The following CACNB4 variants were observed in gnomAD, a reference collection of about 807,000 sequenced individuals.
The protein encoded by CACNB4 is calcium voltage-gated channel auxiliary subunit beta 4.
In CACNB4, 32 loss-of-function variants were observed where a neutral mutation model predicts 71.2. The ratio of observed to expected loss-of-function variants is 0.45; its 90% confidence interval spans 0.34 to 0.60. CACNB4 has a LOEUF of 0.60. Among genes scored for constraint, CACNB4 ranks in the 20% least tolerant of loss-of-function variants. The pLI, the probability that CACNB4 is intolerant of heterozygous loss-of-function variation, is 0.01. For missense variants in CACNB4, 464 were observed against 647.9 expected (o/e 0.72, Z 3.08); for synonymous variants, 231 against 236.9 (o/e 0.97, Z 0.23).
At chr2:152,075,515 G>A (rs140344043) in intron 2 of CACNB4, among the ~76,000 whole-genome samples, 1 of 152,308 alleles carries the variant, frequency 6.6e-6, no homozygotes, top group African/African-American at 2.4e-5. Flanking sequence ...ACCAGAAAAA[G>A]CAACAGAAGG....
intron 2 of CACNB4, among the ~76,000 whole-genome samples, chr2:152,072,591 T>C (rs1686759186): frequency 6.6e-6 from 1 of 152,168 alleles, no homozygotes; most frequent in Non-Finnish European, 1.5e-5. Flanking sequence ...AAACAAGGCT[T>C]ATGAAAACCT....
intron 12 of CACNB4, among the ~76,000 whole-genome samples, chr2:151,848,600 G>A (rs548230319): frequency 2.6e-4 from 39 of 152,116 alleles, no homozygotes; most frequent in African/African-American, 9.2e-4. Flanking sequence ...AATAAAGGGC[G>A]ACAGAACAGA....
intron 2 of CACNB4, among the ~76,000 whole-genome samples, chr2:152,024,954 G>A (rs796416114): frequency 3.3e-4 from 50 of 152,318 alleles, no homozygotes; most frequent in African/African-American, 1.1e-3. Context: ...TACTCGGGAG[G>A]CTGAGGCAGG....
intron 13 of CACNB4, among the ~76,000 whole-genome samples, chr2:151,841,089 A>C (rs908478857): frequency 1.3e-5 from 2 of 152,216 alleles, no homozygotes; most frequent in Non-Finnish European, 2.9e-5. Context: ...GCACAGCCCC[A>C]AGAAAACTCA....
intron 2 of CACNB4, among the ~76,000 whole-genome samples, chr2:151,952,003 TTC>T (rs747030354): frequency 2.4e-4 from 37 of 152,314 alleles, no homozygotes; most frequent in Non-Finnish European, 4.4e-4. Context: ...GTCATTTACC[TTC>T]TCTGTGCCTC....
At chr2:151,854,930 G>T (rs572724343) in intron 11 of CACNB4, 141 of 235,606 alleles carry the variant, frequency 6.0e-4, no homozygotes, top group African/African-American at 2.3e-3. Flanking sequence ...AGAATTCATA[G>T]TCTATGATAA....
At chr2:152,093,866 T>C (rs1688119792) in intron 2 of CACNB4, among the ~76,000 whole-genome samples, 1 of 152,112 alleles carries the variant, frequency 6.6e-6, no homozygotes, top group African/African-American at 2.4e-5. Flanking sequence ...AGCCACAGAG[T>C]TTTGGGGGAG....
chr2:151,837,710 A>G lies in CACNB4; in HGVS notation c.*1409T>C, dbSNP rs2099835189. ...TAAGGCTTCCTTGATAATATAAAAC[A>G]TAGGTCACCAATTCCATAATTATAG... On this transcript the variant is annotated 3_prime_UTR_variant, in exon 14 of 14. Coordinates refer to ENST00000539935, the MANE Select transcript of CACNB4 (RefSeq NM_000726.5). 1 of 152,074 alleles carries G rather than the reference A, an allele frequency of 6.6e-6. No homozygotes were observed. The highest frequency in any genetic ancestry group is 1.5e-5 in the Non-Finnish European group (1 of 67,948). The allele number at this position is 152,074 out of a possible 1,614,324, so 9.4% of individuals were successfully genotyped here. A position where few individuals can be genotyped will look rare whatever the true frequency, so the allele number is the denominator to read the frequency against.
chr2:151,991,631 G>A (rs542064579), intron 2 of CACNB4, among the ~76,000 whole-genome samples: 1 of 152,290 alleles, frequency 6.6e-6, no homozygotes, highest in South Asian at 2.1e-4. Flanking sequence ...TAGGAATGCA[G>A]GGCTTCTGAA....
intron 2 of CACNB4, among the ~76,000 whole-genome samples, chr2:152,052,006 A>G (rs931728608): frequency 1.3e-5 from 2 of 152,252 alleles, no homozygotes; most frequent in Admixed American, 6.5e-5. Flanking sequence ...TAGTGTTAGC[A>G]TAATATTTTC....
intron 2 of CACNB4, among the ~76,000 whole-genome samples, chr2:151,893,759 T>C (rs959215309): frequency 6.6e-6 from 1 of 152,062 alleles, no homozygotes; most frequent in Non-Finnish European, 1.5e-5. Context: ...CTTAAACATT[T>C]GTCTGGGAAA....
In CACNB4 at chr2:152,098,247, G is replaced by A. The variant is rs1688388842; in HGVS notation, c.147+83C>T. The stretch of plus-strand genomic sequence containing the variant: ...CGGGCTTGACCCGCAGCTCCCGCAC[G>A]TGTGGGCCACGGCCGGCTCCAGGAC... On this transcript the variant is annotated intron_variant, in intron 2 of 13. Coordinates refer to ENST00000539935, the MANE Select transcript of CACNB4 (RefSeq NM_000726.5). This position sits in a 1 kb window ranked among gnomAD's most constrained non-coding sequence, Gnocchi z 5.3. 9.1e-7 allele frequency: 1 copy of A among 1,102,278 alleles called. No individual in the cohort carries two copies. Among genetic ancestry groups the A allele is most frequent in the African/African-American group, 1.5e-5 (1 of 64,970 alleles). The allele number at this position is 1,102,278 out of a possible 1,614,324, so 68.3% of individuals were successfully genotyped here. A position where few individuals can be genotyped will look rare whatever the true frequency, so the allele number is the denominator to read the frequency against.
At chr2:151,945,970 G>T (rs961731503) in intron 2 of CACNB4, among the ~76,000 whole-genome samples, 59 of 151,348 alleles carry the variant, frequency 3.9e-4, no homozygotes, top group Non-Finnish European at 7.1e-4. Context: ...CTACATAAAT[G>T]TTAGCTATTA....
chr2:152,098,558 A>C lies in CACNB4; in HGVS notation c.64-145T>G. 7.4e-7 allele frequency: 1 copy of C among 1,349,320 alleles called. No homozygotes were observed. Among genetic ancestry groups the C allele is most frequent in the Non-Finnish European group, 1.0e-6 (1 of 961,474 alleles). 83.6% of individuals were successfully genotyped at this position (1,349,320 alleles called of 1,614,324 possible). A position where few individuals can be genotyped will look rare whatever the true frequency, so the allele number is the denominator to read the frequency against. ...ACCCAAGTCTCCTCCGCGACTCCCA[A>C]ATACAGCCCCCACCCCCACCCACCC... On this transcript the variant is annotated intron_variant, in intron 1 of 13. Coordinates refer to ENST00000539935, the MANE Select transcript of CACNB4 (RefSeq NM_000726.5). This position sits in a 1 kb window ranked among gnomAD's most constrained non-coding sequence, Gnocchi z 5.3.
intron 2 of CACNB4, among the ~76,000 whole-genome samples, chr2:151,944,237 G>A (rs2099865011): frequency 6.6e-6 from 1 of 151,770 alleles, no homozygotes; most frequent in African/African-American, 2.4e-5. Context: ...ATGGAGTTTC[G>A]CTTTGTTGCC....
intron 2 of CACNB4, among the ~76,000 whole-genome samples, chr2:152,086,763 C>A (rs768302826): frequency 2.1e-4 from 32 of 152,180 alleles, no homozygotes; most frequent in South Asian, 8.3e-4. Flanking sequence ...ATAAAAACCA[C>A]CCCCCTCTAT....
chr2:152,039,970 G>C (rs1684789976), intron 2 of CACNB4, among the ~76,000 whole-genome samples: 1 of 152,194 alleles, frequency 6.6e-6, no homozygotes, highest in Admixed American at 6.5e-5. Flanking sequence ...GTCACTTAAT[G>C]GTCTTAAGGC....
chr2:151,854,033 C>T (rs546241738), intron 11 of CACNB4: 2 of 155,124 alleles, frequency 1.3e-5, no homozygotes, highest in African/African-American at 4.8e-5. Flanking sequence ...CCAGGCAAAA[C>T]ATTTGTATTA....
intron 2 of CACNB4, among the ~76,000 whole-genome samples, chr2:152,072,372 A>C (rs1166978449): frequency 6.6e-6 from 1 of 152,254 alleles, no homozygotes; most frequent in Non-Finnish European, 1.5e-5. Flanking sequence ...AGGGGAGCTT[A>C]ATGAATATTA....
Sources: gnomAD v4.1 joint callset for allele counts (sites outside exome capture counted in the v4.1 genomes callset) on GRCh38, gnomAD v4.1.1 for gene constraint, Gnocchi (gnomAD v3.1) non-coding constraint, MANE v1.5 for transcripts, NCBI Gene and HGNC (gene_info 2026-07-23, HGNC 2026-07-21) for gene names.